The following PLAA variants were observed in gnomAD, a reference collection of about 807,000 sequenced individuals.
PLAA encodes the protein phospholipase A2 activating protein.
In PLAA, 48 loss-of-function variants were observed where a neutral mutation model predicts 84.1. That is an observed-to-expected ratio of 0.57 (90% confidence interval 0.45 to 0.73). PLAA has a LOEUF of 0.73. Among genes scored for constraint, PLAA ranks in the 30% least tolerant of loss-of-function variants. PLAA has a pLI of 0.00. For missense variants in PLAA, 903 were observed against 954.7 expected, an observed-to-expected ratio of 0.95 and a Z score of 0.71; for synonymous variants, 392 against 336.6, an observed-to-expected ratio of 1.16 and a Z score of -1.80.
intron 2 of PLAA, among the ~76,000 whole-genome samples, chr9:26,934,475 C>CTTTTTTT (rs67138338): frequency 2.0e-4 from 19 of 93,324 alleles, no homozygotes; most frequent in East Asian, 2.0e-3. Flanking sequence ...GAACACTTTA[C>CTTTTTTT]TTTTTTTTTT....
intron 1 of PLAA, among the ~76,000 whole-genome samples, chr9:26,944,853 G>T (rs1165062120): frequency 1.3e-5 from 2 of 152,216 alleles, no homozygotes; most frequent in African/African-American, 2.4e-5. Context: ...AGTTCGGCCA[G>T]GCGTGGTGGC....
At chr9:26,931,549 C>G (rs529645371) in intron 2 of PLAA, among the ~76,000 whole-genome samples, 8 of 152,160 alleles carry the variant, frequency 5.3e-5, no homozygotes, top group African/African-American at 1.9e-4. Flanking sequence ...CAGAATACCA[C>G]CTATACTGTT....
intron 2 of PLAA, among the ~76,000 whole-genome samples, chr9:26,933,210 G>C (rs1031046245): frequency 4.9e-4 from 74 of 151,948 alleles, no homozygotes; most frequent in Non-Finnish European, 2.2e-4. Flanking sequence ...AGACGTTGCA[G>C]TGAGCCAAGA....
At chr9:26,944,816 T>C (rs1258848796) in intron 1 of PLAA, among the ~76,000 whole-genome samples, 1 of 152,166 alleles carries the variant, frequency 6.6e-6, no homozygotes, top group African/African-American at 2.4e-5. Context: ...GGAATGAATT[T>C]TGAAAAACAA....
intron 1 of PLAA, among the ~76,000 whole-genome samples, chr9:26,940,890 T>C (rs1313402122): frequency 6.6e-6 from 1 of 152,180 alleles, no homozygotes; most frequent in East Asian, 1.9e-4. Context: ...GAAACCATTT[T>C]ATCAATAAGC....
intron 1 of PLAA, among the ~76,000 whole-genome samples, chr9:26,943,391 C>A (rs1032493699): frequency 1.3e-5 from 2 of 152,128 alleles, no homozygotes; most frequent in Admixed American, 1.3e-4. Flanking sequence ...CCAGTCCATC[C>A]CTACATTTAC....
rs189232191 is a variant in PLAA at position 26,930,925 on chromosome 9, C to T, written c.344-2517G>A. The stretch of plus-strand genomic sequence containing the variant: ...TAACTTGGGTGCTCTTTACATTCTT[C>T]CACAAATCAGTATGATATAATTGGA... On this transcript the variant is annotated intron_variant, in intron 2 of 13. Transcript: ENST00000397292. Among the ~76,000 whole-genome samples the T allele has an allele frequency of 3.4e-3, 513 of 151,920 alleles. 3 individuals are homozygous for T. Among genetic ancestry groups the T allele is most frequent in the African/African-American group, 0.012 (492 of 41,426 alleles).
At chr9:26,916,354 C>G (rs1824559649) in intron 10 of PLAA, 1 of 987,002 alleles carries the variant, frequency 1.0e-6, no homozygotes, top group African/African-American at 1.7e-5. Flanking sequence ...AAAAGCCATT[C>G]TGAAAATAGA....
intron 10 of PLAA, chr9:26,916,024 G>A: frequency 5.1e-6 from 5 of 985,376 alleles, no homozygotes; most frequent in Non-Finnish European, 6.0e-6. Flanking sequence ...TGCCATAACA[G>A]CATTTAGTGT....
chr9:26,938,279 A>G (rs1232254000), intron 1 of PLAA, among the ~76,000 whole-genome samples: 1 of 152,156 alleles, frequency 6.6e-6, no homozygotes, highest in African/African-American at 2.4e-5. Flanking sequence ...AGACTGAGAT[A>G]GGAGAACCGC....
chr9:26,906,065 G>A lies in PLAA; in HGVS notation c.1834C>T (p.Pro612Ser). The change falls in exon 14 of 14, where the codon CCT becomes TCT. Residue 612 changes from proline (P) to serine (S), a missense_variant. Physicochemically the swap from Pro to Ser is moderately conservative, Grantham distance 74 (BLOSUM62 -1). Transcript: ENST00000397292. ...AINCPEDIVF[P>S]ALDILRLSIK... Reference sequence around the variant, plus strand: ...GACAACCGAAGAATGTCAAGTGCAGGAAAGACAATATCTATTAAAAAAAAA... The same window carrying A: ...GACAACCGAAGAATGTCAAGTGCAGAAAAGACAATATCTATTAAAAAAAAA... 6.5e-7 allele frequency: 1 copy of A among 1,530,154 alleles called. No homozygotes were observed. The highest frequency in any genetic ancestry group is 8.8e-7 in the Non-Finnish European group (1 of 1,137,450). 94.8% of individuals were successfully genotyped at this position (1,530,154 alleles called of 1,614,324 possible). A position where few individuals can be genotyped will look rare whatever the true frequency, so the allele number is the denominator to read the frequency against.
At chr9:26,916,438 T>C (rs779033909) in intron 10 of PLAA, 179 of 986,958 alleles carry the variant, frequency 1.8e-4, no homozygotes, top group South Asian at 4.2e-4. Flanking sequence ...ATGCATACCT[T>C]GGTAAATAAA....
At chr9:26,926,093 G>A (rs1234023696) in intron 5 of PLAA, 133 bp from the exon 6 acceptor site, 13 of 706,130 alleles carry the variant, frequency 1.8e-5, no homozygotes, top group Non-Finnish European at 2.3e-5. Context: ...TCATATGTTT[G>A]TCACTTACAA....
intron 2 of PLAA, among the ~76,000 whole-genome samples, chr9:26,934,627 G>A (rs933263073): frequency 6.6e-6 from 1 of 151,792 alleles, no homozygotes; most frequent in African/African-American, 2.4e-5. Flanking sequence ...TTACTGGTGG[G>A]CATCACCACA....
chr9:26,906,514 A>G (rs1587145064), intron 13 of PLAA, among the ~76,000 whole-genome samples: 1 of 131,588 alleles, frequency 7.6e-6, no homozygotes, highest in African/African-American at 3.0e-5. Flanking sequence ...TGCAACCTCC[A>G]CCTCCCGGGT....
intron 1 of PLAA, among the ~76,000 whole-genome samples, chr9:26,946,222 G>A (rs1375285078): frequency 6.6e-6 from 1 of 151,820 alleles, no homozygotes; most frequent in Non-Finnish European, 1.5e-5. Context: ...AGCCAAATCA[G>A]GGCTGAACCC....
Position 26,905,952 on chromosome 9 carries a change from A to G in PLAA, c.1947T>C (p.Pro649=). ...GCAGCTGGTTTGCTGGCTTTCCTTT[A>G]GGGTTCAGAAGATTGATAAGATGAC... ...FSSHLINLLN[P]KGKPANQLLA... is the part of the protein sequence containing the mutation. Residue 649 remains proline, a synonymous_variant, in exon 14 of 14, where the codon CCT becomes CCC. Transcript: ENST00000397292. The G allele has an allele frequency of 6.2e-7, 1 of 1,614,172 alleles. No individual in the cohort carries two copies. The highest frequency in any genetic ancestry group is 8.5e-7 in the Non-Finnish European group (1 of 1,180,032).
intron 10 of PLAA, chr9:26,916,351 A>T: frequency 4.1e-6 from 4 of 987,050 alleles, no homozygotes; most frequent in Non-Finnish European, 3.6e-6. Flanking sequence ...ATCAAAAGCC[A>T]TTCTGAAAAT....
At chr9:26,920,927 C>T (rs1203214937) in intron 7 of PLAA, among the ~76,000 whole-genome samples, 2 of 151,972 alleles carry the variant, frequency 1.3e-5, no homozygotes, top group African/African-American at 2.4e-5. Flanking sequence ...TCTTGGCCCC[C>T]GACAGTGTAT....
Sources: gnomAD v4.1 joint callset for allele counts (sites outside exome capture counted in the v4.1 genomes callset) on GRCh38, gnomAD v4.1.1 for gene constraint, MANE v1.5 for transcripts, NCBI Gene and HGNC (gene_info 2026-07-23, HGNC 2026-07-21) for gene names.